NPHP4: variants seen among roughly 807,000 people sequenced by gnomAD.
The protein encoded by NPHP4 is nephrocystin 4.
NPHP4 carries 151 observed loss-of-function variants against 155.8 expected under a neutral mutation model. The observed-to-expected ratio is 0.97, with a 90% confidence interval of 0.85 to 1.11. The LOEUF (loss-of-function observed/expected upper bound fraction) is 1.11. Among genes scored for constraint, NPHP4 ranks in the 50% least tolerant of loss-of-function variants. The probability of loss-of-function intolerance (pLI) is 0.00; values close to 1 mark genes in which losing one functional copy is unlikely to be tolerated. For synonymous variants in NPHP4, 845 were observed against 816.8 expected (o/e 1.03, Z -0.59); for missense variants, 1,956 against 1,925.7 (o/e 1.02, Z -0.29).
chr1:5,905,218 G>T lies in NPHP4; in HGVS notation c.1955+74C>A. 8.1e-7 allele frequency: 1 copy of T among 1,228,054 alleles called. No homozygotes were observed. Among genetic ancestry groups the T allele is most frequent in the Non-Finnish European group, 1.2e-6 (1 of 829,024 alleles). 76.1% of individuals were successfully genotyped at this position (1,228,054 alleles called of 1,614,324 possible). A position where few individuals can be genotyped will look rare whatever the true frequency, so the allele number is the denominator to read the frequency against. On this transcript the variant is annotated intron_variant, in intron 15 of 29. Transcript: ENST00000378156. The surrounding 1 kb of genome is among the most constrained non-coding windows in gnomAD (Gnocchi z 4.0). ...CAGCACAGACAGTTCTGCCAGGTCA[G>T]AACCTCAGCGAAGTTTCTCTTCAAC... is the stretch of plus-strand genomic sequence containing the variant.
intron 20 of NPHP4, 162 bp downstream of exon 20, chr1:5,876,931 A>G: frequency 2.2e-6 from 1 of 459,570 alleles, no homozygotes; most frequent in Non-Finnish European, 3.7e-6. Context: ...TCTCACTTAA[A>G]GATTTCCCCC....
At chr1:5,972,300 C>T (rs1218363322) in intron 3 of NPHP4, among the ~76,000 whole-genome samples, 1 of 152,250 alleles carries the variant, frequency 6.6e-6, no homozygotes, top group Non-Finnish European at 1.5e-5. Flanking sequence ...CAGACTCACA[C>T]TGCGGGTTCG....
chr1:5,926,533 A>G (rs1347482137), intron 11 of NPHP4, among the ~76,000 whole-genome samples: 1 of 152,196 alleles, frequency 6.6e-6, no homozygotes, highest in Non-Finnish European at 1.5e-5. Context: ...CTCCCTAAAC[A>G]GTACAATTTA....
intron 11 of NPHP4, among the ~76,000 whole-genome samples, chr1:5,912,183 A>T (rs560654581): frequency 6.6e-6 from 1 of 152,238 alleles, no homozygotes; most frequent in African/African-American, 2.4e-5. Flanking sequence ...GCAGGGGAGC[A>T]ATGGGATGGG....
Position 5,879,837 on chromosome 1 carries a change from ACACACAGACACG to A in NPHP4, c.2611+265_2611+276del, listed in dbSNP as rs780110511. On this transcript the variant is annotated intron_variant, in intron 19 of 29. Transcript: ENST00000378156. ...CGCAAACACACACACACACGCAAACACACACAGACACGCACACAGACACGCACACACACATGC... is the reference window on the plus strand; with the variant it reads ...CGCAAACACACACACACACGCAAACACACACAGACACGCACACACACATGC... 3.8e-3 allele frequency among the ~76,000 whole-genome samples: 405 copies of A among 105,840 alleles called. 3 individuals are homozygous for A. Among genetic ancestry groups the A allele is most frequent in the South Asian group, 0.02 (72 of 3,516 alleles). 69.4% of individuals were successfully genotyped at this position (105,840 alleles called of 152,430 possible).
In NPHP4 at chr1:5,866,386, C is replaced by A. The variant is rs1641227820; in HGVS notation, c.3631G>T (p.Val1211Phe). The change falls in exon 26 of 30, where the codon GTC (valine) becomes TTC (phenylalanine). Residue 1211 changes from valine (V) to phenylalanine (F), a missense_variant. Val to Phe is a conservative substitution (Grantham distance 50). Transcript: ENST00000378156. ...GPSPEIKDFFVIIYSDRWLAT... is the reference protein window; with the variant it reads ...GPSPEIKDFFFIIYSDRWLAT... Reference sequence around the variant, plus strand: ...CTGTGCACTTACGAGTAAATGATGACAAAGAAGTCTTTGATCTCCGGGCTT... The same window carrying A: ...CTGTGCACTTACGAGTAAATGATGAAAAAGAAGTCTTTGATCTCCGGGCTT... 2 of 1,606,984 alleles carry A rather than the reference C, an allele frequency of 1.2e-6. No individual in the cohort carries two copies. Among genetic ancestry groups the A allele is most frequent in the South Asian group, 2.2e-5 (2 of 89,838 alleles).
At chr1:5,864,988 G>A (rs1641053383) in intron 27 of NPHP4, 114 bp downstream of exon 27, 1 of 1,033,482 alleles carries the variant, frequency 9.7e-7, no homozygotes, top group Admixed American at 2.0e-5. Context: ...GCGCGCTGGA[G>A]GCGCTGGAAA....
chr1:5,927,167 C>G (rs1171142048), intron 11 of NPHP4, among the ~76,000 whole-genome samples: 2 of 152,246 alleles, frequency 1.3e-5, no homozygotes, highest in African/African-American at 2.4e-5. Flanking sequence ...GGCCAGGACT[C>G]TACCTCTGCT....
chr1:5,978,512 G>C (rs1654104514), intron 2 of NPHP4, 99 bp from the exon 3 acceptor site: 11 of 1,138,392 alleles, frequency 9.7e-6, no homozygotes, highest in African/African-American at 4.6e-5. Flanking sequence ...ACCTCGCTCA[G>C]ATATCAGCAC....
At chr1:5,879,775 G>GCACACACACACACA in intron 19 of NPHP4, 1 of 328,264 alleles carries the variant, frequency 3.0e-6, no homozygotes, top group Middle Eastern at 1.0e-3. Context: ...CACGAATGGT[G>GCACACACACACACA]CGCACACACA....
At chr1:5,869,514 AAATAG>A (rs1213032196) in intron 23 of NPHP4, among the ~76,000 whole-genome samples, 5 of 152,252 alleles carry the variant, frequency 3.3e-5, no homozygotes, top group African/African-American at 4.8e-5. Flanking sequence ...AAACTAAAAT[AAATAG>A]AAGTGTTAAT....
chr1:5,979,454 C>T (rs1010165083), intron 2 of NPHP4, among the ~76,000 whole-genome samples: 1 of 152,182 alleles, frequency 6.6e-6, no homozygotes, highest in Non-Finnish European at 1.5e-5. Context: ...GAGCAGCAAA[C>T]TCAAAGGTCC....
At chr1:5,950,290 A>G (rs561136215) in intron 7 of NPHP4, among the ~76,000 whole-genome samples, 33 of 152,324 alleles carry the variant, frequency 2.2e-4, no homozygotes, top group Middle Eastern at 3.4e-3. Flanking sequence ...GGATGGCAGC[A>G]TAACAGACCG....
At chr1:5,887,092 G>A in intron 18 of NPHP4, 194 bp downstream of exon 18, 1 of 587,736 alleles carries the variant, frequency 1.7e-6, no homozygotes, top group Non-Finnish European at 3.0e-6. Context: ...CAGAAATTCA[G>A]AATGCAAACA....
At chr1:5,927,624 C>A in intron 11 of NPHP4, 25 bp downstream of exon 11, 1 of 1,583,502 alleles carries the variant, frequency 6.3e-7, no homozygotes, top group Non-Finnish European at 8.6e-7. Flanking sequence ...TGTGCCTGGC[C>A]AGTCAGCTCT....
intron 9 of NPHP4, among the ~76,000 whole-genome samples, chr1:5,942,905 A>T (rs2101876258): frequency 6.6e-6 from 1 of 152,324 alleles, no homozygotes; most frequent in East Asian, 1.9e-4. Flanking sequence ...GCTTATTCAG[A>T]CATGAAACGC....
intron 7 of NPHP4, among the ~76,000 whole-genome samples, chr1:5,951,224 C>CCCTCTGCCGTCCTT (rs1553188002): frequency 6.6e-6 from 1 of 152,174 alleles, no homozygotes; most frequent in Non-Finnish European, 1.5e-5. Context: ...CCCAAGGCCT[C>CCCTCTGCCGTCCTT]CCTCTGCCGT....
chr1:5,876,957 C>A (rs2100670469), intron 20 of NPHP4, 136 bp downstream of exon 20: 2 of 601,332 alleles, frequency 3.3e-6, no homozygotes, highest in South Asian at 8.3e-5. Context: ...CTGAAAAAGT[C>A]CGATTTTCTT....
At chr1:5,880,282 A>T (rs761754092) in intron 18 of NPHP4, 43 bp from the exon 19 acceptor site, 3 of 1,606,304 alleles carry the variant, frequency 1.9e-6, no homozygotes, top group African/African-American at 2.7e-5. Context: ...ACCCCAAATG[A>T]GAATCTGATG....
Sources: gnomAD v4.1 joint callset for allele counts (sites outside exome capture counted in the v4.1 genomes callset) on GRCh38, gnomAD v4.1.1 for gene constraint, Gnocchi (gnomAD v3.1) non-coding constraint, MANE v1.5 for transcripts, NCBI Gene and HGNC (gene_info 2026-07-23, HGNC 2026-07-21) for gene names.